Variants in LAMA1 observed in about 807,000 individuals in gnomAD.
LAMA1 encodes laminin subunit alpha 1, also known as laminin subunit alpha-1.
A neutral mutation model predicts 348.7 loss-of-function variants in LAMA1; 219 were observed. The ratio of observed to expected loss-of-function variants is 0.63; its 90% CI spans 0.56 to 0.70. The LOEUF (loss-of-function observed/expected upper bound fraction) is 0.70, where lower values mean the gene tolerates loss of function less well. Among genes scored for constraint, LAMA1 ranks in the 30% least tolerant of loss-of-function variants. The pLI, the probability that LAMA1 is intolerant of heterozygous loss-of-function variation, is 0.00. For synonymous variants in LAMA1, 1,487 were observed against 1,491.0 expected, an observed-to-expected ratio of 1.00 and a Z score of 0.06; for missense variants, 3,744 against 3,888.0, an observed-to-expected ratio of 0.96 and a Z score of 0.99.
rs779135972 is a variant in LAMA1 at position 6,966,148 on chromosome 18, G to A, written c.7049C>T (p.Thr2350Ile). The change falls in exon 49 of 63, where the codon ACA becomes ATA. Residue 2350 changes from threonine to isoleucine, a missense_variant and splice_region_variant. Around this residue, in one of 3 missense-constraint regions of LAMA1, gnomAD observed 1,983 missense variants for 1,934.3 expected, o/e 1.03. Transcript: ENST00000389658. ...GLLLYLGSYGTKDFLSIELFR... is the reference protein window; with the variant it reads ...GLLLYLGSYGIKDFLSIELFR... The stretch of plus-strand genomic sequence containing the variant: ...CTAGGGCCGCACAAACACTCTTACT[G>A]TGCCGTATGAACCCAGGTAGAGAAG... The A allele has an allele frequency of 6.2e-7, 1 of 1,613,958 alleles. No individual in the cohort carries two copies. The highest frequency in any genetic ancestry group is 8.5e-7 in the Non-Finnish European group (1 of 1,179,992).
In LAMA1 at chr18:6,942,149, G is replaced by T; in HGVS notation, c.9158C>A (p.Ser3053Tyr). ...LALIKSPQVQ[S>Y]FDFSRAFELH... ...TTCGAACGCTCTGCTGAAGTCAAAG[G>T]ACTGCACCTGCGGGCTCTTAATCAG... The change falls in exon 63 of 63, where the codon TCC becomes TAC. Residue 3053 changes from serine (S) to tyrosine (Y), a missense_variant. Ser to Tyr is a moderately radical substitution (Grantham distance 144). Transcript: ENST00000389658. 3 of 1,614,132 alleles carry T rather than the reference G, an allele frequency of 1.9e-6. No individual in the cohort carries two copies.
chr18:7,080,382 G>A lies in LAMA1; in HGVS notation c.137C>T (p.Pro46Leu), dbSNP rs766305855. 127 of 1,614,122 alleles carry A rather than the reference G, an allele frequency of 7.9e-5. 1 individual carries two copies. The East Asian group carries it at 2.2e-3, about 29-fold the overall frequency. ...CTCCACAAGTTTGCAGAACATCTCC[G>A]GCCCCTTCTCGCCACAGGTGGCATT... is the stretch of plus-strand genomic sequence containing the variant. ...STNATCGEKG[P>L]EMFCKLVEHV... The change falls in exon 2 of 63, where the codon CCG becomes CTG. Residue 46 changes from proline to leucine, a missense_variant. Physicochemically the swap from Pro to Leu is moderately conservative, Grantham distance 98. Around this residue, in one of 3 missense-constraint regions of LAMA1, gnomAD observed 1,529 missense variants for 1,689.4 expected, o/e 0.91. Transcript: ENST00000389658.
rs773818069 is a variant in LAMA1 at position 7,074,967 on chromosome 18, C to CAAAAAAAAAAAAAAAAAA, written c.345+4990_345+5007dup. Among the ~76,000 whole-genome samples, 7 of 52,258 alleles carry CAAAAAAAAAAAAAAAAAA rather than the reference C, an allele frequency of 1.3e-4. 3 individuals are homozygous for CAAAAAAAAAAAAAAAAAA. The highest frequency in any genetic ancestry group is 1.7e-4 in the Non-Finnish European group (5 of 30,298). The allele number at this position is 52,258 out of a possible 152,430, so 34.3% of individuals were successfully genotyped here. A position where few individuals can be genotyped will look rare whatever the true frequency, so the allele number is the denominator to read the frequency against. ...GATAACCAAACCTAATACATAGAGG[C>CAAAAAAAAAAAAAAAAAA]AAAAAAAAAAAAAAAAAAAAAAAAA... On this transcript the variant is annotated intron_variant, in intron 3 of 62. Coordinates refer to ENST00000389658, the MANE Select transcript of LAMA1 (RefSeq NM_005559.4).
rs2057764858 is a variant in LAMA1, at chr18:6,992,853, G to A, written c.5009-133C>T. ...GAGTTGGACCTCCATGTCAGGCCAG[G>A]CCACCTGGCATATCCCAGTGTACTC... On this transcript the variant is annotated intron_variant, in intron 35 of 62. Coordinates refer to ENST00000389658, the MANE Select transcript of LAMA1 (RefSeq NM_005559.4). 7.1e-6 allele frequency: 5 copies of A among 700,614 alleles called. No homozygotes were observed. The East Asian group carries it at 1.1e-4, about 15-fold the overall frequency. 43.4% of individuals were successfully genotyped at this position (700,614 alleles called of 1,614,324 possible).
At chr18:7,026,798 C>T (rs1293649050) in intron 16 of LAMA1, among the ~76,000 whole-genome samples, 3 of 152,096 alleles carry the variant, frequency 2.0e-5, no homozygotes. Flanking sequence ...GAGATCAACA[C>T]AACCCTGGCT....
intron 12 of LAMA1, among the ~76,000 whole-genome samples, chr18:7,036,622 A>C (rs2057995877): frequency 6.6e-6 from 1 of 152,196 alleles, no homozygotes; most frequent in Non-Finnish European, 1.5e-5. Context: ...TTTGCACCAT[A>C]AAATTGGAGA....
chr18:6,950,622 A>G (rs566873841), intron 58 of LAMA1, among the ~76,000 whole-genome samples, 160 bp downstream of exon 58: 36 of 152,286 alleles, frequency 2.4e-4, no homozygotes, highest in African/African-American at 8.4e-4. Context: ...AGCAGAAAAG[A>G]TCCCTGCCTT....
At chr18:6,993,572 T>C (rs2057767693) in intron 35 of LAMA1, 69 bp downstream of exon 35, 2 of 1,104,458 alleles carry the variant, frequency 1.8e-6, no homozygotes, top group Admixed American at 3.4e-5. Flanking sequence ...ATTCATATGT[T>C]TAATAAAGCA....
intron 36 of LAMA1, among the ~76,000 whole-genome samples, chr18:6,992,353 C>T (rs996518401): frequency 6.6e-6 from 1 of 152,224 alleles, no homozygotes; most frequent in Non-Finnish European, 1.5e-5. Flanking sequence ...AGATAGATTA[C>T]ACTGACTGCA....
intron 23 of LAMA1, 141 bp downstream of exon 23, chr18:7,013,674 C>G (rs2057871465): frequency 1.3e-6 from 1 of 768,004 alleles, no homozygotes; most frequent in African/African-American, 1.7e-5. Flanking sequence ...GCATAAGAGA[C>G]TTTGAACTCA....
chr18:7,096,751 TTCTC>T (rs2058262830), intron 1 of LAMA1, among the ~76,000 whole-genome samples: 4 of 152,218 alleles, frequency 2.6e-5, no homozygotes, highest in African/African-American at 7.2e-5. Flanking sequence ...AGTTGACAAA[TTCTC>T]TCCCACCCAA....
intron 18 of LAMA1, 53 bp downstream of exon 18, chr18:7,024,325 CAT>C: frequency 1.5e-6 from 2 of 1,370,956 alleles, no homozygotes; most frequent in African/African-American, 2.9e-5. Context: ...AAAATAAACA[CAT>C]AGAATTTATA....
chr18:7,031,966 T>G, intron 16 of LAMA1, 100 bp downstream of exon 16: 1 of 845,518 alleles, frequency 1.2e-6, no homozygotes, highest in Non-Finnish European at 2.0e-6. Context: ...GAGGCTAGGG[T>G]TATTCCGTGG....
rs1014428857 is a variant in LAMA1, at chr18:6,999,438, T to C, written c.4663+7A>G. ...CATCTTTACACATTTAGAGGAGAAA[T>C]ACTCACAAACACAATCTGTTTCCAT... On this transcript the variant is annotated splice_region_variant and intron_variant, in intron 32 of 62. Coordinates refer to ENST00000389658, the MANE Select transcript of LAMA1 (RefSeq NM_005559.4). The C allele has an allele frequency of 1.2e-6, 2 of 1,614,014 alleles. No individual in the cohort carries two copies. Among genetic ancestry groups the C allele is most frequent in the Non-Finnish European group, 1.7e-6 (2 of 1,180,022 alleles).
At chr18:6,946,104 C>T (rs538257629) in intron 61 of LAMA1, among the ~76,000 whole-genome samples, 10 of 151,980 alleles carry the variant, frequency 6.6e-5, no homozygotes, top group African/African-American at 1.9e-4. Flanking sequence ...AAGGGCAGAA[C>T]AGTCACAGAA....
At position 7,043,369 on chromosome 18, in the gene LAMA1, T is replaced by C. The variant is rs376916699; in HGVS notation, c.1013A>G (p.Tyr338Cys). 1.9e-6 allele frequency: 3 copies of C among 1,613,928 alleles called. No individual in the cohort carries two copies. Among genetic ancestry groups the C allele is most frequent in the Non-Finnish European group, 8.5e-7 (1 of 1,180,012 alleles). Residue 338 changes from tyrosine to cysteine, a missense_variant, in exon 8 of 63, where the codon TAT (tyrosine) becomes TGT (cysteine). Physicochemically the swap from Tyr to Cys is radical, Grantham distance 194 (BLOSUM62 -2). Transcript: ENST00000389658. The part of the protein sequence containing the change: ...NCHNKAKDCY[Y>C]DESVAKQKKS... Reference sequence around the variant, plus strand: ...CTTCTGCTTTGCAACACTTTCATCATAGTAACAGTCTTTGGCTTTATTGTG... The same window carrying C: ...CTTCTGCTTTGCAACACTTTCATCACAGTAACAGTCTTTGGCTTTATTGTG...
intron 29 of LAMA1, among the ~76,000 whole-genome samples, chr18:7,003,219 G>A (rs558264479): frequency 1.1e-4 from 16 of 150,908 alleles, no homozygotes; most frequent in Admixed American, 9.9e-4. Context: ...TTGGACCTAC[G>A]GTCTTGCTAT....
intron 36 of LAMA1, among the ~76,000 whole-genome samples, chr18:6,990,854 T>C (rs1363171808): frequency 6.6e-6 from 1 of 152,134 alleles, no homozygotes; most frequent in African/African-American, 2.4e-5. Context: ...AGATTCAGGT[T>C]TGTGGTCAGG....
intron 12 of LAMA1, among the ~76,000 whole-genome samples, chr18:7,036,674 A>T (rs1318687191): frequency 6.6e-6 from 1 of 152,240 alleles, no homozygotes; most frequent in Non-Finnish European, 1.5e-5. Flanking sequence ...CTCTGTTGAT[A>T]AAATCATATC....
Sources: gnomAD v4.1 joint callset for allele counts (sites outside exome capture counted in the v4.1 genomes callset) on GRCh38, gnomAD v4.1.1 for gene constraint, gnomAD v4.1.1 regional missense constraint, MANE v1.5 for transcripts, NCBI Gene and HGNC (gene_info 2026-07-23, HGNC 2026-07-21) for gene names.